RANBP2: variants seen among roughly 807,000 people sequenced by gnomAD.
RANBP2 encodes the protein E3 SUMO-protein ligase RanBP2.
In RANBP2, 57 loss-of-function variants were observed where a neutral mutation model predicts 303.6. The ratio of observed to expected loss-of-function variants is 0.19; its 90% CI spans 0.15 to 0.23. The LOEUF is 0.23. Ranked by LOEUF, RANBP2 falls within the 10% of genes least tolerant of loss-of-function variation. The probability of loss-of-function intolerance (pLI) is 1.00; values close to 1 mark genes in which losing one functional copy is unlikely to be tolerated. For missense variants in RANBP2, 3,138 were observed against 3,780.8 expected, an observed-to-expected ratio of 0.83 and a Z score of 4.46; for synonymous variants, 1,167 against 1,301.5, an observed-to-expected ratio of 0.90 and a Z score of 2.23.
At chr2:109,615,798 G>A in the RANBP2 span, 1 of 1,614,122 alleles carries the variant, frequency 6.2e-7, no homozygotes. Flanking sequence ...AGATGGAGGG[G>A]ACCATCACCA....
chr2:109,360,063 C>CA, the RANBP2 span, among the ~76,000 whole-genome samples: 1,256 of 135,142 alleles, frequency 9.3e-3, 9 homozygotes, highest in Non-Finnish European at 0.013. Flanking sequence ...TTCCTTGCAC[C>CA]AAAAAAAAAA....
At chr2:109,336,426 G>A in the RANBP2 span, among the ~76,000 whole-genome samples, 2 of 152,206 alleles carry the variant, frequency 1.3e-5, no homozygotes, top group African/African-American at 4.8e-5. Flanking sequence ...ATTTGGAAGG[G>A]AAGCTGCCAC....
chr2:108,816,336 A>G, the RANBP2 span, among the ~76,000 whole-genome samples: 1 of 152,144 alleles, frequency 6.6e-6, no homozygotes, highest in Admixed American at 6.5e-5. Flanking sequence ...CTGTAATCTC[A>G]GCTACTTGGG....
the RANBP2 span, among the ~76,000 whole-genome samples, chr2:109,042,610 C>T: frequency 6.6e-6 from 1 of 152,210 alleles, no homozygotes. Flanking sequence ...CTTTGATGTT[C>T]TCCTGGGTCT....
chr2:108,831,541 G>A, the RANBP2 span, among the ~76,000 whole-genome samples: 1 of 152,198 alleles, frequency 6.6e-6, no homozygotes, highest in African/African-American at 2.4e-5. Context: ...GCTAGGAAAA[G>A]ACAGTGTTTG....
chr2:109,013,022 G>A, the RANBP2 span, among the ~76,000 whole-genome samples: 23 of 152,214 alleles, frequency 1.5e-4, no homozygotes, highest in Non-Finnish European at 2.6e-4. Context: ...CGAGTAGGGC[G>A]AAACTCCATG....
chr2:109,615,733 T>A, the RANBP2 span: 2 of 1,613,862 alleles, frequency 1.2e-6, no homozygotes, highest in Non-Finnish European at 8.5e-7. Flanking sequence ...CGCTGGAGGC[T>A]TTCAAAGGTG....
At chr2:108,992,097 C>T in the RANBP2 span, among the ~76,000 whole-genome samples, 3 of 152,144 alleles carry the variant, frequency 2.0e-5, no homozygotes, top group African/African-American at 7.2e-5. Context: ...ACCGGACTCA[C>T]CTTAAATCTG....
the RANBP2 span, chr2:108,930,381 G>A: frequency 9.5e-6 from 8 of 838,516 alleles, no homozygotes; most frequent in South Asian, 6.1e-5. Flanking sequence ...GAAGGTGCCC[G>A]CTTGTGAGTG....
At chr2:108,875,525 G>A in the RANBP2 span, among the ~76,000 whole-genome samples, 2 of 151,944 alleles carry the variant, frequency 1.3e-5, no homozygotes, top group African/African-American at 2.4e-5. Context: ...AAATTCTCAC[G>A]CTCTCTAATA....
downstream of RANBP2, chr2:108,786,676 TCCGGGTCG>T: frequency 1.4e-6 from 1 of 704,172 alleles, no homozygotes; most frequent in East Asian, 2.9e-5. Flanking sequence ...GGCTGCAGTC[TCCGGGTCG>T]CCCCGCCCCG....
rs1558920737 is a variant in RANBP2 at position 108,764,661 on chromosome 2, A to G, written c.4122A>G (p.Ser1374=). ...KNASTAKKCV[S]CQNLNPSNKE... ...CTTCAACTGCTAAGAAATGTGTATC[A>G]TGCCAAAATCTAAACCCAAGCAATA... Residue 1374 remains serine (S), a synonymous_variant, in exon 20 of 29, where the codon TCA becomes TCG. Transcript: ENST00000283195. 18 of 1,614,080 alleles carry G rather than the reference A, an allele frequency of 1.1e-5. No individual in the cohort carries two copies. Among genetic ancestry groups the G allele is most frequent in the Non-Finnish European group, 1.4e-5 (17 of 1,179,976 alleles).
the RANBP2 span, among the ~76,000 whole-genome samples, chr2:108,808,673 T>C: frequency 2.0e-5 from 3 of 152,230 alleles, no homozygotes; most frequent in Non-Finnish European, 4.4e-5. Context: ...GAGAAATGTC[T>C]AGTCAGATTA....
At chr2:109,151,719 A>G in the RANBP2 span, among the ~76,000 whole-genome samples, 31 of 152,212 alleles carry the variant, frequency 2.0e-4, no homozygotes, top group African/African-American at 6.3e-4. Context: ...TGGCTGCTGT[A>G]TGGAAAGGCT....
the RANBP2 span, among the ~76,000 whole-genome samples, chr2:109,022,096 C>T: frequency 6.6e-6 from 1 of 152,218 alleles, no homozygotes; most frequent in Non-Finnish European, 1.5e-5. Context: ...TGGCAGGCAC[C>T]GGCTGCTGTG....
At chr2:109,613,152 C>T in the RANBP2 span, 1 of 1,288,300 alleles carries the variant, frequency 7.8e-7, no homozygotes. Context: ...GACCTTGGTA[C>T]TATTAACGAA....
the RANBP2 span, among the ~76,000 whole-genome samples, chr2:108,820,699 C>CA: frequency 0.24 from 14,809 of 62,056 alleles, 1,037 homozygotes; most frequent in African/African-American, 0.35. Flanking sequence ...ATTCAAAGTG[C>CA]AAAAAAAAAA....
the RANBP2 span, among the ~76,000 whole-genome samples, chr2:109,277,170 T>C: frequency 1.7e-3 from 261 of 152,214 alleles, no homozygotes; most frequent in African/African-American, 5.4e-3. Flanking sequence ...CTTCATTACG[T>C]AGTTAGAAAC....
the RANBP2 span, among the ~76,000 whole-genome samples, chr2:109,643,374 C>T: frequency 3.3e-5 from 5 of 152,216 alleles, no homozygotes; most frequent in South Asian, 2.1e-4. Flanking sequence ...TATTCCCAGA[C>T]GGTTAAGCAT....
Sources: gnomAD v4.1 joint callset for allele counts (sites outside exome capture counted in the v4.1 genomes callset) on GRCh38, gnomAD v4.1.1 for gene constraint, MANE v1.5 for transcripts, NCBI Gene and HGNC (gene_info 2026-07-23, HGNC 2026-07-21) for gene names.